The following RIN3 variants were observed in gnomAD, a reference collection of about 807,000 sequenced individuals.
The protein encoded by RIN3 is Ras and Rab interactor 3, also known as RAB5 interacting protein 3.
In RIN3, 54 loss-of-function variants were observed where a neutral mutation model predicts 76.3. The ratio of observed to expected loss-of-function variants is 0.71; its 90% confidence interval spans 0.57 to 0.89. RIN3 has a LOEUF of 0.89. RIN3 is among the 40% of genes least tolerant of loss of function. The probability of loss-of-function intolerance (pLI) is 0.00; values close to 1 mark genes in which losing one functional copy is unlikely to be tolerated. For synonymous variants in RIN3, 576 were observed against 564.0 expected (o/e 1.02, Z -0.30); for missense variants, 1,256 against 1,322.1 (o/e 0.95, Z 0.78).
rs560868664 is a variant in RIN3 at position 92,568,497 on chromosome 14, A to C, written c.250-8863A>C. Among the ~76,000 whole-genome samples the C allele has an allele frequency of 6.6e-6, 1 of 152,204 alleles. No homozygotes were observed. ...GCTGTCTGTGAATACCTTCTAGAAG[A>C]GTCTCCATGACTAGCTCAGCAGCTA... On this transcript the variant is annotated intron_variant, in intron 2 of 9. Transcript: ENST00000216487. The surrounding 1 kb of genome is among the most constrained non-coding windows in gnomAD (Gnocchi z 4.2).
At chr14:92,674,754 C>T (rs1888402535) in intron 7 of RIN3, among the ~76,000 whole-genome samples, 1 of 151,466 alleles carries the variant, frequency 6.6e-6, no homozygotes, top group African/African-American at 2.4e-5. Context: ...CTGGGTATGG[C>T]AGCGCACGCC....
Position 92,685,373 on chromosome 14 carries a change from T to G in RIN3, c.2631+223T>G. On this transcript the variant is annotated intron_variant, in intron 9 of 9. Coordinates refer to ENST00000216487, the MANE Select transcript of RIN3 (RefSeq NM_024832.5). This position sits in a 1 kb window ranked among gnomAD's most constrained non-coding sequence, Gnocchi z 4.7. The stretch of plus-strand genomic sequence containing the variant: ...CTAGAAACATATCAGCAGGCATTGG[T>G]GTTCTCCCTGGGCAAGCAGGAAGGG... 2 of 551,802 alleles carry G rather than the reference T, an allele frequency of 3.6e-6. No individual in the cohort carries two copies. The highest frequency in any genetic ancestry group is 3.3e-6 in the Non-Finnish European group (1 of 307,386). The allele number at this position is 551,802 out of a possible 1,614,324, so 34.2% of individuals were successfully genotyped here. A position where few individuals can be genotyped will look rare whatever the true frequency, so the allele number is the denominator to read the frequency against.
intron 2 of RIN3, among the ~76,000 whole-genome samples, chr14:92,561,038 A>ATATATATAT (rs1555383834): frequency 1.4e-4 from 2 of 14,620 alleles, no homozygotes; most frequent in African/African-American, 4.0e-4. Context: ...AAAAAAAAAA[A>ATATATATAT]AAAAAAATAT....
At position 92,676,576 on chromosome 14, in the gene RIN3, C is replaced by T; in HGVS notation, c.2437C>T (p.Leu813Phe). 1 of 1,613,994 alleles carries T rather than the reference C, an allele frequency of 6.2e-7. No individual in the cohort carries two copies. The highest frequency in any genetic ancestry group is 8.5e-7 in the Non-Finnish European group (1 of 1,179,966). The stretch of plus-strand genomic sequence containing the variant: ...TCTCAATGTGGAGTACATGATGGAG[C>T]TCATGGACCCCGCCCTGCAGCTGGG... ...MLLNVEYMMELMDPALQLGEG... is the reference protein window; with the variant it reads ...MLLNVEYMMEFMDPALQLGEG... The change falls in exon 8 of 10, where the codon CTC (leucine) becomes TTC (phenylalanine). Residue 813 changes from leucine (L) to phenylalanine (F), a missense_variant. Physicochemically the swap from Leu to Phe is conservative, Grantham distance 22 (BLOSUM62 0). Coordinates refer to ENST00000216487, the MANE Select transcript of RIN3 (RefSeq NM_024832.5).
chr14:92,595,027 C>T (rs1430621002), intron 3 of RIN3, among the ~76,000 whole-genome samples: 1 of 152,130 alleles, frequency 6.6e-6, no homozygotes, highest in Non-Finnish European at 1.5e-5. Context: ...GACAGAAATC[C>T]AAGAATGAGC....
chr14:92,678,691 C>T (rs149742724), intron 8 of RIN3, among the ~76,000 whole-genome samples: 16 of 152,186 alleles, frequency 1.1e-4, no homozygotes, highest in African/African-American at 3.6e-4. Context: ...CTCATCCACT[C>T]GCCCATCTAC....
In RIN3 at chr14:92,629,016, C is replaced by T. The variant is rs1453942083; in HGVS notation, c.441-12222C>T. ...GAACCAGGCAGTGGCATTTAGGCTTCTCCACATGGAAACGCCTTAGTTTCA... is the reference window on the plus strand; with the variant it reads ...GAACCAGGCAGTGGCATTTAGGCTTTTCCACATGGAAACGCCTTAGTTTCA... On this transcript the variant is annotated intron_variant, in intron 4 of 9. Transcript: ENST00000216487. 3.3e-5 allele frequency among the ~76,000 whole-genome samples: 5 copies of T among 152,140 alleles called. No individual in the cohort carries two copies. The East Asian group carries it at 9.6e-4, about 29-fold the overall frequency.
chr14:92,682,591 G>C (rs532036660), intron 8 of RIN3, among the ~76,000 whole-genome samples: 1 of 152,142 alleles, frequency 6.6e-6, no homozygotes, highest in Non-Finnish European at 1.5e-5. Context: ...CCAGTAATGC[G>C]TCTGGGTTCC....
chr14:92,541,316 G>A (rs965440531), intron 1 of RIN3, among the ~76,000 whole-genome samples: 4 of 150,590 alleles, frequency 2.7e-5, no homozygotes, highest in Admixed American at 2.7e-4. Flanking sequence ...AAACTGGTTA[G>A]GTCATGTTAA....
chr14:92,563,925 A>G (rs1897849209), intron 2 of RIN3, among the ~76,000 whole-genome samples: 1 of 152,046 alleles, frequency 6.6e-6, no homozygotes. Flanking sequence ...ACACACACAT[A>G]CCCCTAAGCT....
In RIN3 at chr14:92,513,825, G is replaced by T. The variant is rs1414920172; in HGVS notation, c.-108G>T. 1 of 702,972 alleles carries T rather than the reference G, an allele frequency of 1.4e-6. No homozygotes were observed. The highest frequency in any genetic ancestry group is 2.0e-6 in the Non-Finnish European group (1 of 507,144). 43.5% of individuals were successfully genotyped at this position (702,972 alleles called of 1,614,324 possible). On this transcript the variant is annotated 5_prime_UTR_variant, in exon 1 of 10. Transcript: ENST00000216487. ...AGAGCGCGGCGGCAGCGGCGGCCTG[G>T]CCCTTCCAGAGGGCCAGAGCCAGGG... is the stretch of plus-strand genomic sequence containing the variant.
rs774909307 is a variant in RIN3 at position 92,652,448 on chromosome 14, T to C, written c.1399T>C (p.Ser467Pro). The C allele has an allele frequency of 1.9e-6, 3 of 1,613,258 alleles. No homozygotes were observed. The highest frequency in any genetic ancestry group is 2.5e-6 in the Non-Finnish European group (3 of 1,179,874). The change falls in exon 6 of 10, where the codon TCT becomes CCT. Residue 467 changes from serine to proline, a missense_variant. Around this residue, in one of 3 missense-constraint regions of RIN3, gnomAD observed 428 missense variants for 521.2 expected, o/e 0.82. Coordinates refer to ENST00000216487, the MANE Select transcript of RIN3 (RefSeq NM_024832.5). This position sits in a 1 kb window ranked among gnomAD's most constrained non-coding sequence, Gnocchi z 6.4. ...CCCGCCCCCCAGGAAAAAACGGATC[T>C]CTCGACAACTGGCCTCGACCCTCCC... The part of the protein sequence containing the change: ...PVPPPRKKRI[S>P]RQLASTLPAP...
At chr14:92,557,706 G>A (rs896314013) in intron 2 of RIN3, among the ~76,000 whole-genome samples, 3 of 152,218 alleles carry the variant, frequency 2.0e-5, no homozygotes, top group Non-Finnish European at 4.4e-5. Context: ...CAGGGGGACC[G>A]CTGGCCTGGC....
intron 3 of RIN3, among the ~76,000 whole-genome samples, chr14:92,587,621 G>A (rs1884824840): frequency 6.6e-6 from 1 of 151,972 alleles, no homozygotes; most frequent in Non-Finnish European, 1.5e-5. Context: ...CAGGGGCCTT[G>A]CAGCTTTAGA....
intron 2 of RIN3, among the ~76,000 whole-genome samples, chr14:92,558,492 C>T (rs892532358): frequency 1.3e-5 from 2 of 152,220 alleles, no homozygotes; most frequent in Admixed American, 6.5e-5. Flanking sequence ...TGCCATTATA[C>T]CCATTTCACA....
intron 4 of RIN3, chr14:92,615,885 C>T (rs548193604): frequency 1.4e-4 from 25 of 182,666 alleles, no homozygotes; most frequent in African/African-American, 5.2e-4. Flanking sequence ...CTGGGTGGAG[C>T]GGGTGTCTGC....
At chr14:92,683,287 G>A (rs916725912) in intron 8 of RIN3, among the ~76,000 whole-genome samples, 1 of 152,186 alleles carries the variant, frequency 6.6e-6, no homozygotes, top group Non-Finnish European at 1.5e-5. Context: ...GGGGACCCGA[G>A]AGACCAGGGT....
chr14:92,616,295 G>A (rs990479910), intron 4 of RIN3, among the ~76,000 whole-genome samples: 1 of 152,154 alleles, frequency 6.6e-6, no homozygotes, highest in African/African-American at 2.4e-5. Flanking sequence ...GTGGGAGCGG[G>A]CCCAAGCATA....
chr14:92,602,075 A>G (rs1885366605), intron 3 of RIN3, among the ~76,000 whole-genome samples: 1 of 152,228 alleles, frequency 6.6e-6, no homozygotes, highest in Non-Finnish European at 1.5e-5. Flanking sequence ...TGCAGCAACG[A>G]CGAGCCCTGT....
Sources: allele counts gnomAD v4.1 joint callset (sites outside exome capture counted in the v4.1 genomes callset), GRCh38; gene constraint gnomAD v4.1.1; regional missense constraint gnomAD v4.1.1; non-coding constraint Gnocchi (gnomAD v3.1); transcripts MANE v1.5; gene names NCBI Gene and HGNC (gene_info 2026-07-23, HGNC 2026-07-21).